RAB2B: variants seen among roughly 807,000 people sequenced by gnomAD.
RAB2B encodes the protein ras-related protein Rab-2B.
In RAB2B, 20 loss-of-function variants were observed where a neutral mutation model predicts 29.8. The ratio of observed to expected loss-of-function variants is 0.67; its 90% CI spans 0.47 to 0.97. RAB2B has a LOEUF of 0.97. Ranked by LOEUF, RAB2B falls within the 50% of genes least tolerant of loss-of-function variation. The pLI is 0.00. For synonymous variants in RAB2B, 93 were observed against 91.7 expected, an observed-to-expected ratio of 1.01 and a Z score of -0.08; for missense variants, 218 against 272.0, an observed-to-expected ratio of 0.80 and a Z score of 1.40.
At position 21,468,650 on chromosome 14, in the gene RAB2B, A is replaced by G. The variant is rs1229671919; in HGVS notation, c.269+20T>C. 8.5e-6 allele frequency: 13 copies of G among 1,531,904 alleles called. No individual in the cohort carries two copies. The highest frequency in any genetic ancestry group is 1.4e-5 in the African/African-American group (1 of 71,294). 94.9% of individuals were successfully genotyped at this position (1,531,904 alleles called of 1,614,324 possible). On this transcript the variant is annotated intron_variant, in intron 4 of 7. Coordinates refer to ENST00000397762, the MANE Select transcript of RAB2B (RefSeq NM_032846.4). ...GGATTTAGGGAAGAATCTCCCTCCC[A>G]TGCACCAGATCTGGCTCACCTTGTA...
chr14:21,464,609 G>A (rs1890644849), intron 5 of RAB2B, among the ~76,000 whole-genome samples: 1 of 152,056 alleles, frequency 6.6e-6, no homozygotes, highest in Non-Finnish European at 1.5e-5. Context: ...AGGGAATTCA[G>A]AGACAGTGAT....
At chr14:21,463,257 T>TTTC (rs1341059402) in intron 6 of RAB2B, among the ~76,000 whole-genome samples, 1 of 150,872 alleles carries the variant, frequency 6.6e-6, no homozygotes, top group Admixed American at 6.6e-5. Context: ...TCTTTTTTTT[T>TTTC]TTTTTTGGAG....
intron 5 of RAB2B, among the ~76,000 whole-genome samples, chr14:21,464,034 A>G (rs942280504): frequency 1.3e-5 from 2 of 152,206 alleles, no homozygotes; most frequent in Admixed American, 6.5e-5. Context: ...GCAAGCCCCC[A>G]TAGTTACACA....
intron 7 of RAB2B, 145 bp downstream of exon 7, chr14:21,462,205 A>T: frequency 9.6e-6 from 4 of 417,676 alleles, no homozygotes; most frequent in Non-Finnish European, 7.7e-6. Flanking sequence ...CTAGATTTAA[A>T]AAAAAAAAAA....
chr14:21,466,269 G>A (rs1890685358), intron 5 of RAB2B, among the ~76,000 whole-genome samples: 1 of 152,174 alleles, frequency 6.6e-6, no homozygotes, highest in African/African-American at 2.4e-5. Flanking sequence ...CGGATCGCCT[G>A]AGGTCAGGAG....
At chr14:21,468,311 C>T (rs766400258) in intron 5 of RAB2B, 46 bp downstream of exon 5, 5 of 1,426,578 alleles carry the variant, frequency 3.5e-6, no homozygotes, top group South Asian at 3.5e-5. Context: ...GCATAGAGTA[C>T]CTAGATGACT....
intron 5 of RAB2B, among the ~76,000 whole-genome samples, chr14:21,465,988 T>G (rs1435146378): frequency 6.6e-6 from 1 of 152,228 alleles, no homozygotes; most frequent in Admixed American, 6.5e-5. Flanking sequence ...TAATCAAAAG[T>G]AGGTACCCTG....
At chr14:21,474,137 G>A (rs1178656124) in intron 3 of RAB2B, among the ~76,000 whole-genome samples, 3 of 151,938 alleles carry the variant, frequency 2.0e-5, no homozygotes, top group Admixed American at 2.0e-4. Flanking sequence ...GTCGCGGTGA[G>A]CCAAGATTAC....
intron 3 of RAB2B, among the ~76,000 whole-genome samples, chr14:21,471,334 A>T (rs1397338676): frequency 1.3e-5 from 2 of 151,500 alleles, no homozygotes; most frequent in African/African-American, 4.8e-5. Flanking sequence ...CTGAAGCAGC[A>T]GGCTGGGCAC....
At chr14:21,462,572 G>C (rs940133321) in intron 6 of RAB2B, among the ~76,000 whole-genome samples, 154 bp from the exon 7 acceptor site, 1 of 152,134 alleles carries the variant, frequency 6.6e-6, no homozygotes, top group Non-Finnish European at 1.5e-5. Context: ...GGGTGCGGTG[G>C]CTCATGCCTG....
chr14:21,473,055 A>G lies in RAB2B; in HGVS notation c.186+1812T>C, dbSNP rs181863754. Among the ~76,000 whole-genome samples, 360 of 152,290 alleles carry G rather than the reference A, an allele frequency of 2.4e-3. 1 individual carries two copies. Among genetic ancestry groups the G allele is most frequent in the African/African-American group, 8.2e-3 (340 of 41,556 alleles). On this transcript the variant is annotated intron_variant, in intron 3 of 7. Coordinates refer to ENST00000397762, the MANE Select transcript of RAB2B (RefSeq NM_032846.4). ...AAAAAATACAAAAATTCCCCAGTGC[A>G]GGGGATCAGGGGATAGATCTGTAGA...
rs903108968 is a variant in RAB2B at position 21,459,750 on chromosome 14, A to G, written c.*1446T>C. 3 of 157,350 alleles carry G rather than the reference A, an allele frequency of 1.9e-5. No homozygotes were observed. Among genetic ancestry groups the G allele is most frequent in the Admixed American group, 1.9e-4 (3 of 16,072 alleles). 9.7% of individuals were successfully genotyped at this position (157,350 alleles called of 1,614,324 possible). On this transcript the variant is annotated 3_prime_UTR_variant, in exon 8 of 8. Coordinates refer to ENST00000397762, the MANE Select transcript of RAB2B (RefSeq NM_032846.4). ...CTGTTACTAAAGAAAAAATTTTTGGACTTTTAAGTATAATTAGTGGAGAGT... is the reference window on the plus strand; with the variant it reads ...CTGTTACTAAAGAAAAAATTTTTGGGCTTTTAAGTATAATTAGTGGAGAGT...
At chr14:21,466,502 A>AAAAC (rs201386229) in intron 5 of RAB2B, among the ~76,000 whole-genome samples, 7 of 152,224 alleles carry the variant, frequency 4.6e-5, no homozygotes, top group East Asian at 1.9e-4. Context: ...CAAACAAATG[A>AAAAC]AAACAAACAA....
intron 5 of RAB2B, 81 bp from the exon 6 acceptor site, chr14:21,463,848 C>T (rs909697924): frequency 1.9e-5 from 18 of 926,290 alleles, no homozygotes; most frequent in East Asian, 7.3e-5. Context: ...AGAATTCCGT[C>T]GTGGTTTCAA....
chr14:21,462,477 G>T (rs1009711787), intron 6 of RAB2B, 59 bp from the exon 7 acceptor site: 70 of 1,393,082 alleles, frequency 5.0e-5, no homozygotes, highest in South Asian at 1.2e-5. Context: ...ATGAGGGAAA[G>T]AGAATATTAA....
At chr14:21,466,301 A>G (rs1440953858) in intron 5 of RAB2B, among the ~76,000 whole-genome samples, 1 of 152,184 alleles carries the variant, frequency 6.6e-6, no homozygotes, top group Non-Finnish European at 1.5e-5. Flanking sequence ...CCTGATCAAC[A>G]TGGAGAAACC....
intron 3 of RAB2B, chr14:21,474,541 T>G (rs1407917819): frequency 7.3e-6 from 2 of 272,684 alleles, no homozygotes; most frequent in African/African-American, 4.4e-5. Flanking sequence ...TCATCAGTAA[T>G]GATTTCCCTG....
chr14:21,463,625 AG>A (rs1890618664), intron 6 of RAB2B, 30 bp downstream of exon 6: 4 of 1,347,324 alleles, frequency 3.0e-6, no homozygotes, highest in Non-Finnish European at 4.3e-6. Context: ...TAATCTCTAA[AG>A]AGCTTTCCCC....
At chr14:21,476,683 C>T (rs1163417190) in intron 1 of RAB2B, 84 bp from the exon 2 acceptor site, 12 of 1,611,344 alleles carry the variant, frequency 7.4e-6, no homozygotes, top group Non-Finnish European at 1.0e-5. Context: ...AGAAGGGGGG[C>T]TCCCGAGCCC....
Sources: allele counts gnomAD v4.1 joint callset (sites outside exome capture counted in the v4.1 genomes callset), GRCh38; gene constraint gnomAD v4.1.1; transcripts MANE v1.5; gene names NCBI Gene and HGNC (gene_info 2026-07-23, HGNC 2026-07-21).